Variants in PSME4 observed in about 807,000 individuals in gnomAD.
PSME4 encodes proteasome activator subunit 4, also known as proteasome activator complex subunit 4.
Under a neutral mutation model 253.9 loss-of-function variants are expected in PSME4, and 89 were observed. The observed-to-expected ratio is 0.35, with a 90% CI of 0.30 to 0.42. The LOEUF (loss-of-function observed/expected upper bound fraction) is 0.42, where lower values mean the gene tolerates loss of function less well. PSME4 is among the 10% of genes least tolerant of loss of function. PSME4 has a pLI of 1.00. For missense variants in PSME4, 2,014 were observed against 2,195.2 expected, an observed-to-expected ratio of 0.92 and a Z score of 1.65; for synonymous variants, 851 against 759.2, an observed-to-expected ratio of 1.12 and a Z score of -1.99.
chr2:53,937,728 T>G (rs905614880), intron 4 of PSME4, among the ~76,000 whole-genome samples, 188 bp from the exon 5 acceptor site: 1 of 152,182 alleles, frequency 6.6e-6, no homozygotes, highest in African/African-American at 2.4e-5. Context: ...TTGGGTGCAG[T>G]AGTTCATGCC....
intron 20 of PSME4, among the ~76,000 whole-genome samples, chr2:53,910,379 T>C (rs1345448405): frequency 1.3e-5 from 2 of 152,204 alleles, no homozygotes; most frequent in African/African-American, 4.8e-5. Flanking sequence ...AGGAACATAA[T>C]ATTGATATCC....
chr2:53,927,388 C>A lies in PSME4; in HGVS notation c.1593+6G>T. ...TAGCCCTTTTATAACCATAAAATAC[C>A]CTTACTTCTGTGAGGTCATTTCTTT... is the stretch of plus-strand genomic sequence containing the variant. On this transcript the variant is annotated splice_donor_region_variant and intron_variant, in intron 12 of 46. Transcript: ENST00000404125. 6.5e-7 allele frequency: 1 copy of A among 1,535,156 alleles called. No individual in the cohort carries two copies. The highest frequency in any genetic ancestry group is 2.3e-5 in the East Asian group (1 of 44,440).
intron 10 of PSME4, among the ~76,000 whole-genome samples, chr2:53,929,728 A>C (rs911513081): frequency 1.3e-5 from 2 of 152,120 alleles, no homozygotes; most frequent in African/African-American, 4.8e-5. Flanking sequence ...ATTAAAAATA[A>C]AATCTTTGGC....
Position 53,910,848 on chromosome 2 carries a change from C to T in PSME4, c.2517-718G>A, listed in dbSNP as rs1486243773. On this transcript the variant is annotated intron_variant, in intron 20 of 46. Transcript: ENST00000404125. ...GAAAAATATACCTCAATTTTCAATA[C>T]TTTATTTCAAAATATGAGATTTAAT... Among the ~76,000 whole-genome samples, 3 of 152,040 alleles carry T rather than the reference C, an allele frequency of 2.0e-5. No homozygotes were observed. In the East Asian group the frequency reaches 5.8e-4, roughly 29 times the overall value.
intron 14 of PSME4, 40 bp from the exon 15 acceptor site, chr2:53,923,459 AAAATT>A (rs1399224831): frequency 6.5e-7 from 1 of 1,531,080 alleles, no homozygotes; most frequent in Non-Finnish European, 8.7e-7. Context: ...ATTTTTTAAG[AAAATT>A]AAACATCTTA....
chr2:53,922,041 G>A (rs550878718), intron 17 of PSME4, among the ~76,000 whole-genome samples: 15 of 151,212 alleles, frequency 9.9e-5, no homozygotes, highest in Admixed American at 5.3e-4. Context: ...GCGTGGTGGC[G>A]GATGCCTGTA....
chr2:53,928,835 C>G (rs191014191), intron 10 of PSME4, among the ~76,000 whole-genome samples: 1 of 152,272 alleles, frequency 6.6e-6, no homozygotes, highest in Admixed American at 6.5e-5. Context: ...ACCTTACCAA[C>G]TCTTTCCATG....
rs1680462455 is a variant in PSME4, at chr2:53,902,577, C to T, written c.3076-1018G>A. Among the ~76,000 whole-genome samples the T allele has an allele frequency of 2.0e-5, 3 of 152,104 alleles. No individual in the cohort carries two copies. The South Asian group carries it at 6.2e-4, about 32-fold the overall frequency. The stretch of plus-strand genomic sequence containing the variant: ...TTTTTCTGTTTTGATTGTACTTGAC[C>T]TCTCTAATTTTGTCCATTTAAACTG... On this transcript the variant is annotated intron_variant, in intron 27 of 46. Coordinates refer to ENST00000404125, the MANE Select transcript of PSME4 (RefSeq NM_014614.3).
At chr2:53,932,227 C>T (rs536493644) in intron 9 of PSME4, 127 bp from the exon 10 acceptor site, 1 of 808,864 alleles carries the variant, frequency 1.2e-6, no homozygotes, top group African/African-American at 1.7e-5. Context: ...TTACAAAGAA[C>T]TGCACAGCAT....
chr2:53,908,876 C>T (rs780047083), intron 21 of PSME4, 36 bp from the exon 22 acceptor site: 2 of 1,448,696 alleles, frequency 1.4e-6, no homozygotes, highest in African/African-American at 1.4e-5. Context: ...ATTTTAGACA[C>T]TGAATGCTCC....
At chr2:53,913,221 T>C (rs1212292007) in intron 20 of PSME4, among the ~76,000 whole-genome samples, 1 of 152,140 alleles carries the variant, frequency 6.6e-6, no homozygotes, top group Non-Finnish European at 1.5e-5. Flanking sequence ...CCACCTAACA[T>C]ATAGTAAAAT....
chr2:53,870,795 TA>T (rs1170409615), intron 43 of PSME4: 1 of 152,192 alleles, frequency 6.6e-6, no homozygotes, highest in Non-Finnish European at 1.5e-5. Context: ...ACTCCATTTT[TA>T]TTTTTTTATT....
chr2:53,871,738 G>A (rs1390852350), intron 43 of PSME4, among the ~76,000 whole-genome samples: 1 of 152,064 alleles, frequency 6.6e-6, no homozygotes, highest in African/African-American at 2.4e-5. Flanking sequence ...TGATTGGCAG[G>A]GCATGGTGGC....
rs566684253 is a variant in PSME4 at position 53,865,026 on chromosome 2, T to G, written c.*552A>C. ...AGACACAGACTTCACTTCTGTGTCTTGGTCGAGCAATCCATCAGGTCATTG... is the reference window on the plus strand; with the variant it reads ...AGACACAGACTTCACTTCTGTGTCTGGGTCGAGCAATCCATCAGGTCATTG... On this transcript the variant is annotated 3_prime_UTR_variant, in exon 47 of 47. Coordinates refer to ENST00000404125, the MANE Select transcript of PSME4 (RefSeq NM_014614.3). The G allele has an allele frequency of 1.9e-4, 29 of 152,766 alleles. No homozygotes were observed. Among genetic ancestry groups the G allele is most frequent in the African/African-American group, 6.5e-4 (27 of 41,572 alleles). 9.5% of individuals were successfully genotyped at this position (152,766 alleles called of 1,614,324 possible).
At chr2:53,964,356 AAT>A (rs914291097) in intron 1 of PSME4, among the ~76,000 whole-genome samples, 12 of 152,238 alleles carry the variant, frequency 7.9e-5, no homozygotes, top group African/African-American at 1.4e-4. Context: ...TCAAATATGA[AAT>A]ATGTCTTATT....
intron 43 of PSME4, among the ~76,000 whole-genome samples, chr2:53,872,401 A>G (rs1356180084): frequency 6.6e-6 from 1 of 152,148 alleles, no homozygotes; most frequent in Non-Finnish European, 1.5e-5. Flanking sequence ...TTGGTTTTAC[A>G]TGTTGCTTTA....
intron 20 of PSME4, 107 bp downstream of exon 20, chr2:53,919,044 G>C: frequency 1.8e-6 from 2 of 1,122,296 alleles, no homozygotes; most frequent in Non-Finnish European, 2.5e-6. Context: ...AAATAAAAAG[G>C]TTAAAGTGAT....
chr2:53,920,743 G>T, intron 18 of PSME4, 146 bp downstream of exon 18: 1 of 737,724 alleles, frequency 1.4e-6, no homozygotes, highest in Non-Finnish European at 2.2e-6. Flanking sequence ...AAGTGAGACA[G>T]CACAAGTTTC....
At chr2:53,908,711 T>G in intron 22 of PSME4, 73 bp downstream of exon 22, 1 of 1,449,054 alleles carries the variant, frequency 6.9e-7, no homozygotes, top group Non-Finnish European at 9.5e-7. Context: ...AGTAAACACA[T>G]GCATGTTATA....
Sources: gnomAD v4.1 joint callset for allele counts (sites outside exome capture counted in the v4.1 genomes callset) on GRCh38, gnomAD v4.1.1 for gene constraint, MANE v1.5 for transcripts, NCBI Gene and HGNC (gene_info 2026-07-23, HGNC 2026-07-21) for gene names.